Variants in OR2T11 observed in about 807,000 individuals in gnomAD.
OR2T11 encodes olfactory receptor family 2 subfamily T member 11, also known as olfactory receptor 2T11.
OR2T11 carries 14 observed loss-of-function variants against 13.5 expected under a neutral mutation model. The observed-to-expected ratio is 1.04, with a 90% CI of 0.69 to 1.62. The LOEUF (loss-of-function observed/expected upper bound fraction) is 1.62, where lower values mean the gene tolerates loss of function less well. Ranked by LOEUF, OR2T11 falls within the 40% of genes most tolerant of loss-of-function variation. The probability of loss-of-function intolerance (pLI) is 0.00; values close to 1 mark genes in which losing one functional copy is unlikely to be tolerated. For synonymous variants in OR2T11, 163 were observed against 154.6 expected, an observed-to-expected ratio of 1.05 and a Z score of -0.40; for missense variants, 410 against 389.7, an observed-to-expected ratio of 1.05 and a Z score of -0.44.
intron 1 of OR2T11, among the ~76,000 whole-genome samples, chr1:248,633,771 T>C (rs1572104445): frequency 2.1e-5 from 3 of 143,730 alleles, no homozygotes; most frequent in Admixed American, 2.0e-4. Flanking sequence ...CTGACATATG[T>C]AATCCTAAAC....
rs543513015 is a variant in OR2T11, at chr1:248,631,136, G to A, written c.-144-3864C>T. On this transcript the variant is annotated intron_variant, in intron 1 of 1. Transcript: ENST00000641193. ...ATCGTGATTTCAGTCCAGTGAGACC[G>A]GTTTCCAACTTCTGACCTCCAGGCT... 8.4e-5 allele frequency among the ~76,000 whole-genome samples: 12 copies of A among 143,182 alleles called. 2 individuals carry two copies. The highest frequency in any genetic ancestry group is 2.5e-4 in the African/African-American group (9 of 36,382). 93.9% of individuals were successfully genotyped at this position (143,182 alleles called of 152,430 possible). A position where few individuals can be genotyped will look rare whatever the true frequency, so the allele number is the denominator to read the frequency against.
In OR2T11 at chr1:248,626,663, G is replaced by C; in HGVS notation, c.466C>G (p.Leu156Val). The change falls in exon 2 of 2, where the codon CTC becomes GTC. Residue 156 changes from leucine to valine, a missense_variant. Transcript: ENST00000641193. ...GGGACATTCATGGTGATGGGAGTGA[G>C]CAGAAAGCCATCGAGGGAGCCCCCA... is the stretch of plus-strand genomic sequence containing the variant. ...WFGGSLDGFL[L>V]TPITMNVPYC... 1 of 1,572,786 alleles carries C rather than the reference G, an allele frequency of 6.4e-7. No homozygotes were observed. The highest frequency in any genetic ancestry group is 8.6e-7 in the Non-Finnish European group (1 of 1,156,328).
Position 248,626,913 on chromosome 1 carries a change from A to G in OR2T11, c.216T>C (p.Cys72=), listed in dbSNP as rs1170284594. Residue 72 remains cysteine, a synonymous_variant, in exon 2 of 2, where the codon TGT becomes TGC. Transcript: ENST00000641193. ...CTGCCAGGAGTTTTGGGACAGTGGT[A>G]CAGATGAAAAGGGTGTCCATGATGG... ...QLSIMDTLFI[C]TTVPKLLADM... 3.2e-6 allele frequency: 5 copies of G among 1,570,654 alleles called. 1 individual carries two copies. The East Asian group carries it at 6.9e-5, about 22-fold the overall frequency.
intron 1 of OR2T11, among the ~76,000 whole-genome samples, chr1:248,633,246 C>A (rs1195111967): frequency 1.4e-5 from 2 of 137,936 alleles, no homozygotes; most frequent in Non-Finnish European, 3.1e-5. Context: ...TAATAGAATT[C>A]TAAGTGACCA....
At chr1:248,634,524 A>G (rs572865537) in intron 1 of OR2T11, among the ~76,000 whole-genome samples, 1 of 142,918 alleles carries the variant, frequency 7.0e-6, no homozygotes, top group Non-Finnish European at 1.5e-5. Context: ...TCCTCAGTAC[A>G]ATCCCAGCTG....
At position 248,633,523 on chromosome 1, in the gene OR2T11, T is replaced by C. The variant is rs1660641969; in HGVS notation, c.-145+1515A>G. On this transcript the variant is annotated intron_variant, in intron 1 of 1. Transcript: ENST00000641193. ...TCCCTGCCTTGGGCCAAAATTATAT[T>C]ATCCTTTCTCCCTTTCAAGTAGTTT... Among the ~76,000 whole-genome samples the C allele has an allele frequency of 1.4e-5, 2 of 141,172 alleles. 1 individual carries two copies. Among genetic ancestry groups the C allele is most frequent in the African/African-American group, 5.6e-5 (2 of 35,482 alleles). 92.6% of individuals were successfully genotyped at this position (141,172 alleles called of 152,430 possible). A position where few individuals can be genotyped will look rare whatever the true frequency, so the allele number is the denominator to read the frequency against.
chr1:248,623,932 C>T lies in OR2T11; in HGVS notation c.*2246G>A, dbSNP rs1252778870. On this transcript the variant is annotated 3_prime_UTR_variant, in exon 2 of 2. Coordinates refer to ENST00000641193, the MANE Select transcript of OR2T11 (RefSeq NM_001001964.2). ...CTCTTCTCCAAGATGATTCTCTTCT[C>T]CTCTCAAACTTTTGACGGGACCACC... 8.1e-6 allele frequency: 1 copy of T among 123,894 alleles called. No individual in the cohort carries two copies. The highest frequency in any genetic ancestry group is 1.8e-5 in the Non-Finnish European group (1 of 55,112). 7.7% of individuals were successfully genotyped at this position (123,894 alleles called of 1,614,324 possible). A position where few individuals can be genotyped will look rare whatever the true frequency, so the allele number is the denominator to read the frequency against.
chr1:248,631,088 G>A lies in OR2T11; in HGVS notation c.-144-3816C>T, dbSNP rs1251064663. Among the ~76,000 whole-genome samples, 4 of 142,912 alleles carry A rather than the reference G, an allele frequency of 2.8e-5. 1 individual carries two copies. Among genetic ancestry groups the A allele is most frequent in the Non-Finnish European group, 6.1e-5 (4 of 66,110 alleles). 93.8% of individuals were successfully genotyped at this position (142,912 alleles called of 152,430 possible). On this transcript the variant is annotated intron_variant, in intron 1 of 1. Transcript: ENST00000641193. ...ATAGATTATCTCCTAAAACCTCATA[G>A]AAAAGTAGGTAGCCTTCCCAACATC... is the stretch of plus-strand genomic sequence containing the variant.
rs1184814862 is a variant in OR2T11 at position 248,631,719 on chromosome 1, G to A, written c.-145+3319C>T. On this transcript the variant is annotated intron_variant, in intron 1 of 1. Coordinates refer to ENST00000641193, the MANE Select transcript of OR2T11 (RefSeq NM_001001964.2). ...GGCAATTCTCAGTCATTACACACCT[G>A]CCTGCAGGTGTCTGGCTTTATACTG... 4.9e-5 allele frequency among the ~76,000 whole-genome samples: 7 copies of A among 142,748 alleles called. 2 individuals are homozygous for A. Among genetic ancestry groups the A allele is most frequent in the Admixed American group, 4.8e-4 (7 of 14,684 alleles). 93.6% of individuals were successfully genotyped at this position (142,748 alleles called of 152,430 possible).
chr1:248,632,416 C>T (rs1660626969), intron 1 of OR2T11, among the ~76,000 whole-genome samples: 1 of 135,330 alleles, frequency 7.4e-6, no homozygotes. Context: ...GTGATGTTTA[C>T]TTTTGTTGTA....
chr1:248,631,368 G>A (rs1183213931), intron 1 of OR2T11, among the ~76,000 whole-genome samples: 1 of 143,320 alleles, frequency 7.0e-6, no homozygotes, highest in Non-Finnish European at 1.5e-5. Flanking sequence ...CACCTCGACG[G>A]GTCGATCACT....
Position 248,626,432 on chromosome 1 carries a change from T to G in OR2T11, c.697A>C (p.Lys233Gln). ...TGGGAGGAACAAGTGGTGAAGGCCT[T>G]TTTGCGACCTTCAGCAGAGGGCATG... ...HRMPSAEGRK[K>Q]AFTTCSSHLT... is the part of the protein sequence containing the mutation. The change falls in exon 2 of 2, where the codon AAG becomes CAG. Residue 233 changes from lysine to glutamine, a missense_variant. Coordinates refer to ENST00000641193, the MANE Select transcript of OR2T11 (RefSeq NM_001001964.2). The G allele has an allele frequency of 6.4e-7, 1 of 1,571,500 alleles. No individual in the cohort carries two copies. The highest frequency in any genetic ancestry group is 8.7e-7 in the Non-Finnish European group (1 of 1,155,746).
rs141511280 is a variant in OR2T11 at position 248,627,626 on chromosome 1, G to A, written c.-144-354C>T. ...AACTATTAGGGAACGTTTTATTCACGAAGCCCCATGTTTCTGTTCTATTTC... is the reference window on the plus strand; with the variant it reads ...AACTATTAGGGAACGTTTTATTCACAAAGCCCCATGTTTCTGTTCTATTTC... On this transcript the variant is annotated intron_variant, in intron 1 of 1. Transcript: ENST00000641193. Among the ~76,000 whole-genome samples the A allele has an allele frequency of 1.1e-3, 160 of 143,392 alleles. 31 individuals are homozygous for A. Among genetic ancestry groups the A allele is most frequent in the African/African-American group, 4.1e-3 (150 of 36,496 alleles). 94.1% of individuals were successfully genotyped at this position (143,392 alleles called of 152,430 possible). A position where few individuals can be genotyped will look rare whatever the true frequency, so the allele number is the denominator to read the frequency against.
At chr1:248,630,342 T>C (rs2103103055) in intron 1 of OR2T11, among the ~76,000 whole-genome samples, 1 of 143,452 alleles carries the variant, frequency 7.0e-6, no homozygotes, top group African/African-American at 2.7e-5. Context: ...TTCTAAATCA[T>C]TAAGGTTTAT....
rs1660533575 is a variant in OR2T11 at position 248,626,969 on chromosome 1, T to G, written c.160A>C (p.Thr54Pro). Residue 54 changes from threonine to proline, a missense_variant, in exon 2 of 2, where the codon ACC becomes CCC. Physicochemically the swap from Thr to Pro is conservative, Grantham distance 38. Transcript: ENST00000641193. The stretch of plus-strand genomic sequence containing the variant: ...TGACTGAGCAGAAAGTACATGGGGG[T>G]GTGGAGGCGAGAGTCCACCTGAATC... The part of the protein sequence containing the change: ...FLIQVDSRLH[T>P]PMYFLLSQLS... 1 of 1,570,730 alleles carries G rather than the reference T, an allele frequency of 6.4e-7. No homozygotes were observed. Among genetic ancestry groups the G allele is most frequent in the African/African-American group, 1.5e-5 (1 of 66,020 alleles).
At chr1:248,630,208 G>A (rs1445453356) in intron 1 of OR2T11, among the ~76,000 whole-genome samples, 1 of 142,400 alleles carries the variant, frequency 7.0e-6, no homozygotes, top group Admixed American at 6.8e-5. Flanking sequence ...TTTAATGCTA[G>A]GCACTTGTGT....
At position 248,623,831 on chromosome 1, in the gene OR2T11, A is replaced by G. The variant is rs1660476241; in HGVS notation, c.*2347T>C. On this transcript the variant is annotated 3_prime_UTR_variant, in exon 2 of 2. Transcript: ENST00000641193. ...CTGACAAATGTGCTGTGCTAAATTC[A>G]TAAATTCAATGCAAAGGAGGGGGAG... 7.0e-6 allele frequency: 1 copy of G among 142,800 alleles called. No homozygotes were observed. The highest frequency in any genetic ancestry group is 2.2e-4 in the South Asian group (1 of 4,500). 8.8% of individuals were successfully genotyped at this position (142,800 alleles called of 1,614,324 possible).
chr1:248,626,599 TCA>T lies in OR2T11; in HGVS notation c.528_529del (p.Cys176Ter). The T allele has an allele frequency of 6.4e-7, 1 of 1,573,234 alleles. No homozygotes were observed. The highest frequency in any genetic ancestry group is 8.6e-7 in the Non-Finnish European group (1 of 1,156,850). The stretch of plus-strand genomic sequence containing the variant: ...GGCCAGTTTCAGAACTGCTGGGATC[TCA>T]CAGAAAAAATGGTTGATACTTCGGG... On this transcript the variant is annotated stop_gained and frameshift_variant, in exon 2 of 2. Transcript: ENST00000641193. LOFTEE classifies it high-confidence loss of function.
chr1:248,630,666 C>CA lies in OR2T11; in HGVS notation c.-144-3395dup, dbSNP rs950025808. Among the ~76,000 whole-genome samples, 7 of 144,022 alleles carry CA rather than the reference C, an allele frequency of 4.9e-5. 2 individuals are homozygous for CA. The highest frequency in any genetic ancestry group is 1.9e-4 in the African/African-American group (7 of 36,772). The allele number at this position is 144,022 out of a possible 152,430, so 94.5% of individuals were successfully genotyped here. A position where few individuals can be genotyped will look rare whatever the true frequency, so the allele number is the denominator to read the frequency against. On this transcript the variant is annotated intron_variant, in intron 1 of 1. Coordinates refer to ENST00000641193, the MANE Select transcript of OR2T11 (RefSeq NM_001001964.2). ...TGCCTTCTATGATCAGAATTGTCTTCAATAATGCCATAGGGCTTATTAATT... is the reference window on the plus strand; with the variant it reads ...TGCCTTCTATGATCAGAATTGTCTTCAAATAATGCCATAGGGCTTATTAATT...
Sources: gnomAD v4.1 joint callset for allele counts (sites outside exome capture counted in the v4.1 genomes callset) on GRCh38, gnomAD v4.1.1 for gene constraint, MANE v1.5 for transcripts, NCBI Gene and HGNC (gene_info 2026-07-23, HGNC 2026-07-21) for gene names.